Variants in RAP1A observed in about 807,000 individuals in gnomAD.
RAP1A encodes ras-related protein Rap-1A.
RAP1A carries 6 observed loss-of-function variants against 26.4 expected under a neutral mutation model. The ratio of observed to expected loss-of-function variants is 0.23; its 90% confidence interval spans 0.12 to 0.45. RAP1A has a LOEUF of 0.45. RAP1A is among the 20% of genes least tolerant of loss of function. The pLI, the probability that RAP1A is intolerant of heterozygous loss-of-function variation, is 0.99. For synonymous variants in RAP1A, 73 were observed against 79.4 expected (o/e 0.92, Z 0.43); for missense variants, 121 against 217.2 (o/e 0.56, Z 2.78).
intron 1 of RAP1A, among the ~76,000 whole-genome samples, chr1:111,609,843 C>A (rs1256009049): frequency 6.6e-6 from 1 of 152,074 alleles, no homozygotes; most frequent in African/African-American, 2.4e-5. Flanking sequence ...CCTTGTTGGC[C>A]AGGCTGGGTT....
intron 1 of RAP1A, among the ~76,000 whole-genome samples, chr1:111,598,989 T>C (rs979149492): frequency 6.6e-6 from 1 of 152,222 alleles, no homozygotes; most frequent in East Asian, 1.9e-4. Context: ...TACGTTTAAC[T>C]GGTATATTAT....
intron 1 of RAP1A, among the ~76,000 whole-genome samples, chr1:111,571,306 C>T (rs1658043948): frequency 6.6e-6 from 1 of 152,330 alleles, no homozygotes; most frequent in South Asian, 2.1e-4. Context: ...CCTGTGTTCA[C>T]CAGCCCAGAA....
intron 1 of RAP1A, among the ~76,000 whole-genome samples, chr1:111,572,267 A>C (rs943004631): frequency 3.3e-5 from 5 of 152,204 alleles, no homozygotes; most frequent in African/African-American, 9.7e-5. Flanking sequence ...TTTTCTCCTC[A>C]AGATGGCAAA....
At chr1:111,596,304 C>T (rs1658562775) in intron 1 of RAP1A, among the ~76,000 whole-genome samples, 1 of 152,134 alleles carries the variant, frequency 6.6e-6, no homozygotes, top group Admixed American at 6.5e-5. Flanking sequence ...TTCTGAAAGG[C>T]CCTACAGAGG....
intron 1 of RAP1A, among the ~76,000 whole-genome samples, chr1:111,643,633 A>G (rs923380509): frequency 2.0e-5 from 3 of 152,196 alleles, no homozygotes; most frequent in Non-Finnish European, 4.4e-5. Flanking sequence ...ATTCTTTGGT[A>G]CAGAATTTAA....
intron 1 of RAP1A, among the ~76,000 whole-genome samples, chr1:111,579,123 T>C (rs1315327273): frequency 6.6e-6 from 1 of 152,106 alleles, no homozygotes; most frequent in Non-Finnish European, 1.5e-5. Flanking sequence ...CATCAACTCT[T>C]GTTTGAGTGT....
chr1:111,642,602 G>A (rs1034504404), intron 1 of RAP1A, among the ~76,000 whole-genome samples: 4 of 151,054 alleles, frequency 2.6e-5, no homozygotes, highest in Non-Finnish European at 2.9e-5. Context: ...ATTCTCCTGC[G>A]TCAGCCTCCT....
chr1:111,633,856 C>A (rs77158791), intron 1 of RAP1A, among the ~76,000 whole-genome samples: 8,248 of 152,296 alleles, frequency 0.054, 257 homozygotes, highest in South Asian at 0.087. Flanking sequence ...TCCCATTAGG[C>A]TTCAGACGTG....
At chr1:111,602,075 T>C (rs977539957) in intron 1 of RAP1A, 61 of 152,368 alleles carry the variant, frequency 4.0e-4, no homozygotes, top group African/African-American at 1.5e-3. Flanking sequence ...AATGTGTTCA[T>C]TCAGTGAATT....
chr1:111,585,086 C>A (rs532858648), intron 1 of RAP1A, among the ~76,000 whole-genome samples: 40 of 152,302 alleles, frequency 2.6e-4, no homozygotes, highest in African/African-American at 9.1e-4. Flanking sequence ...CTGTCTCTAG[C>A]TATTCCATCG....
At chr1:111,687,290 C>T (rs1638506319) in intron 1 of RAP1A, among the ~76,000 whole-genome samples, 1 of 151,372 alleles carries the variant, frequency 6.6e-6, no homozygotes, top group Admixed American at 6.6e-5. Context: ...TCACTGCAAC[C>T]TCTGTCTCCT....
At chr1:111,681,605 T>C (rs1477069340) in intron 1 of RAP1A, among the ~76,000 whole-genome samples, 2 of 152,090 alleles carry the variant, frequency 1.3e-5, no homozygotes, top group African/African-American at 4.8e-5. Context: ...ATATCAGAGA[T>C]TGAAGATCAA....
intron 1 of RAP1A, among the ~76,000 whole-genome samples, chr1:111,549,945 G>A (rs1448015440): frequency 6.6e-6 from 1 of 152,118 alleles, no homozygotes; most frequent in African/African-American, 2.4e-5. Context: ...GAGCACCACA[G>A]CCAGCCTTGT....
At chr1:111,684,452 G>A (rs1488197474) in intron 1 of RAP1A, among the ~76,000 whole-genome samples, 1 of 152,086 alleles carries the variant, frequency 6.6e-6, no homozygotes, top group Non-Finnish European at 1.5e-5. Context: ...GAAGTCTCAG[G>A]ATACAAAATC....
chr1:111,668,432 A>C (rs1660866985), intron 1 of RAP1A, among the ~76,000 whole-genome samples: 1 of 152,194 alleles, frequency 6.6e-6, no homozygotes, highest in South Asian at 2.1e-4. Flanking sequence ...ATGATAGCTA[A>C]CATTTTGTAG....
Position 111,675,948 on chromosome 1 carries a change from C to T in RAP1A, c.-27-15386C>T, listed in dbSNP as rs557687583. The stretch of plus-strand genomic sequence containing the variant: ...GAGAATCAAGTGAAACAGGTTTCCC[C>T]TTATCAAAGATCTTGTGAGACTTAT... On this transcript the variant is annotated intron_variant, in intron 1 of 7. Coordinates refer to ENST00000369709, the MANE Select transcript of RAP1A (RefSeq NM_002884.4). Among the ~76,000 whole-genome samples, 13 of 152,266 alleles carry T rather than the reference C, an allele frequency of 8.5e-5. No homozygotes were observed. The East Asian group carries it at 2.5e-3, about 29-fold the overall frequency.
intron 7 of RAP1A, among the ~76,000 whole-genome samples, chr1:111,711,605 A>T (rs1662387811): frequency 6.6e-6 from 1 of 152,248 alleles, no homozygotes; most frequent in Non-Finnish European, 1.5e-5. Flanking sequence ...ATAATAGGTG[A>T]CTTAGCAATC....
At chr1:111,623,652 G>A (rs182824387) in intron 1 of RAP1A, among the ~76,000 whole-genome samples, 106 of 152,162 alleles carry the variant, frequency 7.0e-4, no homozygotes, top group Admixed American at 6.9e-3. Flanking sequence ...CTCATGATCC[G>A]CCCGCCTCAG....
chr1:111,691,701 A>G (rs1661676704), intron 2 of RAP1A, among the ~76,000 whole-genome samples: 1 of 152,200 alleles, frequency 6.6e-6, no homozygotes. Context: ...TTTTTAAGGA[A>G]TTTACATTGT....
Sources: allele counts gnomAD v4.1 joint callset (sites outside exome capture counted in the v4.1 genomes callset), GRCh38; gene constraint gnomAD v4.1.1; transcripts MANE v1.5; gene names NCBI Gene and HGNC (gene_info 2026-07-23, HGNC 2026-07-21).